KHDRBS2: variants seen among roughly 807,000 people sequenced by gnomAD.
The protein encoded by KHDRBS2 is KH RNA binding domain containing, signal transduction associated 2.
In KHDRBS2, 26 loss-of-function variants were observed where a neutral mutation model predicts 44.3. The observed-to-expected ratio is 0.59, with a 90% CI of 0.43 to 0.81. The LOEUF is 0.81. Among genes scored for constraint, KHDRBS2 ranks in the 40% least tolerant of loss-of-function variants. The pLI is 0.00. For missense variants in KHDRBS2, 476 were observed against 433.1 expected (o/e 1.10, Z -0.88); for synonymous variants, 194 against 151.1 (o/e 1.28, Z -2.08).
At chr6:61,665,793 CTAATAATT>C in the KHDRBS2 span, among the ~76,000 whole-genome samples, 3 of 150,854 alleles carry the variant, frequency 2.0e-5, no homozygotes, top group South Asian at 4.2e-4. Flanking sequence ...AGTTTTTACT[CTAATAATT>C]TAATTTTGAA....
chr6:61,977,677 T>C (rs1481317266), intron 4 of KHDRBS2, among the ~76,000 whole-genome samples: 1 of 152,138 alleles, frequency 6.6e-6, no homozygotes, highest in African/African-American at 2.4e-5. Context: ...TCTCTTTCCC[T>C]TTCCACTACA....
the KHDRBS2 span, among the ~76,000 whole-genome samples, chr6:61,599,216 T>C: frequency 1.8e-3 from 271 of 152,160 alleles, 1 homozygote; most frequent in South Asian, 9.2e-3. Flanking sequence ...TAAACTTTGT[T>C]GTAAATCTGA....
intron 6 of KHDRBS2, among the ~76,000 whole-genome samples, chr6:61,884,770 A>G (rs1054751969): frequency 1.3e-5 from 2 of 152,094 alleles, no homozygotes; most frequent in African/African-American, 4.8e-5. Context: ...AGCTAAGCAC[A>G]GAACAGACTT....
intron 2 of KHDRBS2, among the ~76,000 whole-genome samples, chr6:62,096,210 G>A (rs944660305): frequency 4.0e-5 from 6 of 151,714 alleles, no homozygotes; most frequent in Non-Finnish European, 8.9e-5. Context: ...TTGAAACCAG[G>A]GCAAAGCTGG....
At chr6:62,024,258 G>A (rs145665436) in intron 3 of KHDRBS2, among the ~76,000 whole-genome samples, 137 of 151,118 alleles carry the variant, frequency 9.1e-4, no homozygotes, top group African/African-American at 2.6e-3. Flanking sequence ...TAATTAAATC[G>A]AAATTTAGAG....
intron 4 of KHDRBS2, among the ~76,000 whole-genome samples, chr6:61,960,224 T>C (rs993886705): frequency 6.6e-6 from 1 of 152,094 alleles, no homozygotes; most frequent in Non-Finnish European, 1.5e-5. Context: ...CACCTGGGCT[T>C]ATAGTACCTA....
intron 6 of KHDRBS2, among the ~76,000 whole-genome samples, chr6:61,866,766 C>G (rs928359775): frequency 2.6e-5 from 4 of 152,192 alleles, no homozygotes; most frequent in Non-Finnish European, 5.9e-5. Flanking sequence ...TAAATCATCT[C>G]TCTCAAGTTC....
chr6:61,560,948 C>A, the KHDRBS2 span, among the ~76,000 whole-genome samples: 2 of 152,054 alleles, frequency 1.3e-5, no homozygotes, highest in African/African-American at 4.8e-5. Context: ...TGTTTGTACC[C>A]CTCCTTCTTA....
intron 2 of KHDRBS2, among the ~76,000 whole-genome samples, chr6:62,057,502 C>G (rs1356175970): frequency 2.0e-5 from 3 of 152,016 alleles, no homozygotes; most frequent in South Asian, 4.1e-4. Context: ...ATACTCAGTT[C>G]CCCTTCAAAC....
chr6:62,131,814 A>G (rs1420512261), intron 2 of KHDRBS2, among the ~76,000 whole-genome samples: 1 of 152,206 alleles, frequency 6.6e-6, no homozygotes. Flanking sequence ...TGAGAAATAC[A>G]TGTTATACAT....
At chr6:61,644,320 G>T in the KHDRBS2 span, among the ~76,000 whole-genome samples, 5 of 152,102 alleles carry the variant, frequency 3.3e-5, no homozygotes, top group African/African-American at 7.2e-5. Context: ...ATGGATTAAA[G>T]ACTTAAATGT....
At chr6:62,210,780 ATCATTAATTTAAT>A (rs1828914340) in intron 1 of KHDRBS2, among the ~76,000 whole-genome samples, 1 of 152,148 alleles carries the variant, frequency 6.6e-6, no homozygotes, top group African/African-American at 2.4e-5. Context: ...TAATAACATA[ATCATTAATTTAAT>A]TCATTGATAT....
intron 3 of KHDRBS2, among the ~76,000 whole-genome samples, chr6:62,016,525 T>C (rs574601046): frequency 1.3e-5 from 2 of 149,782 alleles, no homozygotes; most frequent in Admixed American, 1.3e-4. Flanking sequence ...TAAATACCTA[T>C]TTATACATTT....
At chr6:61,631,305 CAAAAAAA>C in the KHDRBS2 span, among the ~76,000 whole-genome samples, 14,898 of 66,816 alleles carry the variant, frequency 0.22, 947 homozygotes, top group African/African-American at 0.32. Context: ...ACGAATAAGC[CAAAAAAA>C]AAAAAAAAAA....
intron 4 of KHDRBS2, among the ~76,000 whole-genome samples, chr6:61,909,316 G>A (rs1230475685): frequency 1.2e-4 from 18 of 152,022 alleles, no homozygotes; most frequent in South Asian, 2.1e-4. Flanking sequence ...TGATCCGCCC[G>A]TCTCAGCCTC....
intron 6 of KHDRBS2, among the ~76,000 whole-genome samples, chr6:61,850,832 C>T (rs891109714): frequency 6.6e-6 from 1 of 152,088 alleles, no homozygotes; most frequent in Non-Finnish European, 1.5e-5. Flanking sequence ...ACCAACAGGA[C>T]AACACGAGGC....
intron 2 of KHDRBS2, among the ~76,000 whole-genome samples, chr6:62,106,515 T>A (rs993614756): frequency 6.6e-6 from 1 of 152,088 alleles, no homozygotes; most frequent in African/African-American, 2.4e-5. Context: ...GGTGAATTGA[T>A]CCCTTTACCA....
At chr6:61,911,172 A>AGGAAT (rs2127351242) in intron 4 of KHDRBS2, among the ~76,000 whole-genome samples, 1 of 152,318 alleles carries the variant, frequency 6.6e-6, no homozygotes, top group South Asian at 2.1e-4. Context: ...CCAATAACCT[A>AGGAAT]GGAATTCTAG....
intron 7 of KHDRBS2, among the ~76,000 whole-genome samples, chr6:61,713,045 T>C (rs1270935203): frequency 6.6e-6 from 1 of 151,506 alleles, no homozygotes; most frequent in Non-Finnish European, 1.5e-5. Context: ...TTAGTATAGT[T>C]CTTCATATAT....
Sources: allele counts gnomAD v4.1 joint callset (sites outside exome capture counted in the v4.1 genomes callset), GRCh38; gene constraint gnomAD v4.1.1; transcripts MANE v1.5; gene names NCBI Gene and HGNC (gene_info 2026-07-23, HGNC 2026-07-21).